Variants in HEMK2 observed in about 807,000 individuals in gnomAD.
HEMK2 encodes HemK methyltransferase 2, ETF1 glutamine and histone H4 lysine, also known as methyltransferase HEMK2.
At chr21:28,669,860 G>A in the HEMK2 span, among the ~76,000 whole-genome samples, 1 of 152,154 alleles carries the variant, frequency 6.6e-6, no homozygotes, top group Non-Finnish European at 1.5e-5. Flanking sequence ...AGCATTATTT[G>A]GGTAGCAGGA....
At chr21:28,826,280 TA>T in the HEMK2 span, among the ~76,000 whole-genome samples, 2 of 152,180 alleles carry the variant, frequency 1.3e-5, no homozygotes, top group African/African-American at 4.8e-5. Context: ...GTAGGGGAAC[TA>T]AAACCCATCT....
At chr21:28,801,911 CAG>C in the HEMK2 span, among the ~76,000 whole-genome samples, 1 of 152,140 alleles carries the variant, frequency 6.6e-6, no homozygotes, top group Non-Finnish European at 1.5e-5. Context: ...TGTGGGGAAA[CAG>C]AGGCTCTCAC....
the HEMK2 span, among the ~76,000 whole-genome samples, chr21:28,663,991 G>T: frequency 6.6e-6 from 1 of 152,122 alleles, no homozygotes; most frequent in African/African-American, 2.4e-5. Context: ...TGTACATATA[G>T]TATGCTCATA....
the HEMK2 span, among the ~76,000 whole-genome samples, chr21:28,627,150 A>G: frequency 6.6e-6 from 1 of 152,238 alleles, no homozygotes; most frequent in African/African-American, 2.4e-5. Context: ...GAACATACGT[A>G]GTATGATTCC....
the HEMK2 span, among the ~76,000 whole-genome samples, chr21:28,651,244 CCT>C: frequency 2.6e-5 from 4 of 152,174 alleles, no homozygotes; most frequent in Non-Finnish European, 2.9e-5. Context: ...GAGAAGTATT[CCT>C]TTTCCCCCCA....
At chr21:28,829,230 T>C in the HEMK2 span, among the ~76,000 whole-genome samples, 1 of 152,216 alleles carries the variant, frequency 6.6e-6, no homozygotes, top group South Asian at 2.1e-4. Context: ...TCATCTACCA[T>C]TACCCAAGTC....
the HEMK2 span, among the ~76,000 whole-genome samples, chr21:28,756,807 C>A: frequency 2.0e-5 from 3 of 152,304 alleles, no homozygotes; most frequent in African/African-American, 7.2e-5. Context: ...CTTCCAACAG[C>A]AATATCATGT....
chr21:28,735,325 G>A, the HEMK2 span, among the ~76,000 whole-genome samples: 1 of 152,146 alleles, frequency 6.6e-6, no homozygotes, highest in Non-Finnish European at 1.5e-5. Context: ...TTTAGCTGGA[G>A]GCTCTGGGGG....
the HEMK2 span, among the ~76,000 whole-genome samples, chr21:28,657,549 C>T: frequency 6.6e-6 from 1 of 152,024 alleles, no homozygotes; most frequent in Non-Finnish European, 1.5e-5. Context: ...TGGCAGACTA[C>T]AACAACACCA....
the HEMK2 span, among the ~76,000 whole-genome samples, chr21:28,641,193 T>C: frequency 3.9e-5 from 6 of 152,168 alleles, no homozygotes; most frequent in African/African-American, 1.4e-4. Context: ...CAATTGTGTT[T>C]TTAAAAGTCT....
the HEMK2 span, among the ~76,000 whole-genome samples, chr21:28,594,948 A>G: frequency 6.6e-6 from 1 of 152,248 alleles, no homozygotes. Flanking sequence ...GCACCGAAGC[A>G]GAATATGAAG....
At chr21:28,614,468 A>C in the HEMK2 span, among the ~76,000 whole-genome samples, 2 of 152,168 alleles carry the variant, frequency 1.3e-5, no homozygotes, top group South Asian at 4.1e-4. Flanking sequence ...ATTTAACAAA[A>C]CTTTGAAATA....
At chr21:28,713,018 T>C in the HEMK2 span, among the ~76,000 whole-genome samples, 2 of 152,134 alleles carry the variant, frequency 1.3e-5, no homozygotes, top group Non-Finnish European at 2.9e-5. Flanking sequence ...ATCTGTGAAA[T>C]ATGTCTGCAA....
chr21:28,866,175 A>AACACAC, the HEMK2 span, among the ~76,000 whole-genome samples: 1 of 76,232 alleles, frequency 1.3e-5, no homozygotes, highest in African/African-American at 5.1e-5. Context: ...CAAAAAAAAA[A>AACACAC]ACACACACAC....
the HEMK2 span, among the ~76,000 whole-genome samples, chr21:28,864,876 AGG>A: frequency 8.6e-5 from 5 of 57,902 alleles, no homozygotes; most frequent in Non-Finnish European, 2.4e-4. Context: ...GATGGATGAT[AGG>A]TAGATATAGA....
the HEMK2 span, among the ~76,000 whole-genome samples, chr21:28,818,881 T>A: frequency 6.6e-6 from 1 of 152,312 alleles, no homozygotes; most frequent in Admixed American, 6.5e-5. Flanking sequence ...AAACTAGGAT[T>A]TATTTCTTAG....
the HEMK2 span, among the ~76,000 whole-genome samples, chr21:28,587,150 T>C: frequency 6.8e-6 from 1 of 146,560 alleles, no homozygotes; most frequent in East Asian, 2.0e-4. Context: ...GGAAATGGAG[T>C]AGGCATATCA....
chr21:28,689,767 C>T, the HEMK2 span, among the ~76,000 whole-genome samples: 1 of 152,114 alleles, frequency 6.6e-6, no homozygotes, highest in Non-Finnish European at 1.5e-5. Flanking sequence ...AATGTGATCA[C>T]ATGAGCCCTT....
At chr21:28,640,737 G>C in the HEMK2 span, among the ~76,000 whole-genome samples, 51 of 152,294 alleles carry the variant, frequency 3.3e-4, no homozygotes, top group South Asian at 0.011. Flanking sequence ...TTGATCCAAT[G>C]TTTCTTTCTC....
Sources: allele counts gnomAD v4.1 joint callset (sites outside exome capture counted in the v4.1 genomes callset), GRCh38; gene constraint gnomAD v4.1.1; transcripts MANE v1.5; gene names NCBI Gene and HGNC (gene_info 2026-07-23, HGNC 2026-07-21).